The following SLC44A5 variants were observed in gnomAD, a reference collection of about 807,000 sequenced individuals.
SLC44A5 encodes the protein solute carrier family 44 member 5.
SLC44A5 carries 57 observed loss-of-function variants against 101.8 expected under a neutral mutation model. The ratio of observed to expected loss-of-function variants is 0.56; its 90% confidence interval spans 0.45 to 0.70. The LOEUF is 0.70. Ranked by LOEUF, SLC44A5 falls within the 30% of genes least tolerant of loss-of-function variation. The pLI is 0.00. For missense variants in SLC44A5, 737 were observed against 853.1 expected (o/e 0.86, Z 1.70); for synonymous variants, 281 against 290.9 (o/e 0.97, Z 0.35).
intron 3 of SLC44A5, among the ~76,000 whole-genome samples, chr1:75,367,383 A>G (rs1175037080): frequency 6.6e-6 from 1 of 152,198 alleles, no homozygotes; most frequent in Non-Finnish European, 1.5e-5. Context: ...TACCTTGGTC[A>G]GTAAAGTTGT....
intron 2 of SLC44A5, among the ~76,000 whole-genome samples, chr1:75,506,572 T>C (rs1669271115): frequency 6.6e-6 from 1 of 152,194 alleles, no homozygotes; most frequent in Non-Finnish European, 1.5e-5. Flanking sequence ...TGATTGGATG[T>C]ACTCCTTGGT....
At chr1:75,651,768 A>G in the SLC44A5 span, among the ~76,000 whole-genome samples, 1 of 151,448 alleles carries the variant, frequency 6.6e-6, no homozygotes, top group Admixed American at 6.6e-5. Context: ...TTATAAAATT[A>G]TTTGATTATC....
intron 5 of SLC44A5, among the ~76,000 whole-genome samples, chr1:75,290,334 C>T (rs906032708): frequency 6.6e-6 from 1 of 152,118 alleles, no homozygotes; most frequent in Non-Finnish European, 1.5e-5. Flanking sequence ...ATGTTAAACT[C>T]ATATAGAATA....
chr1:75,667,107 A>G, the SLC44A5 span, among the ~76,000 whole-genome samples: 77,212 of 151,980 alleles, frequency 0.51, 20,842 homozygotes, highest in Middle Eastern at 0.64. Context: ...CAAGAGAAAG[A>G]AAGTATTCAA....
chr1:75,362,254 G>A (rs1659541044), intron 3 of SLC44A5, among the ~76,000 whole-genome samples: 1 of 150,980 alleles, frequency 6.6e-6, no homozygotes, highest in Admixed American at 6.6e-5. Flanking sequence ...TCGTTTCATT[G>A]ATTTTTTTTC....
the SLC44A5 span, among the ~76,000 whole-genome samples, chr1:75,647,938 C>A: frequency 6.6e-6 from 1 of 152,088 alleles, no homozygotes; most frequent in Non-Finnish European, 1.5e-5. Flanking sequence ...TGAGTTAAGT[C>A]TTTGGGTAAC....
intron 5 of SLC44A5, among the ~76,000 whole-genome samples, chr1:75,296,112 T>C (rs1454477163): frequency 6.6e-6 from 1 of 152,198 alleles, no homozygotes; most frequent in African/African-American, 2.4e-5. Context: ...TCAGTTCCAC[T>C]GTCTCCAGTC....
chr1:75,219,803 G>A lies in SLC44A5; in HGVS notation c.1175C>T (p.Ala392Val), dbSNP rs1343393624. 8 of 1,608,226 alleles carry A rather than the reference G, an allele frequency of 5.0e-6. No homozygotes were observed. Among genetic ancestry groups the A allele is most frequent in the East Asian group, 2.2e-5 (1 of 44,730 alleles). ...SICICYWVVTAVFLATSGVPV... is the reference protein window; with the variant it reads ...SICICYWVVTVVFLATSGVPV... ...GAGGCCAATTACCAAAGGATACACT[G>A]CTGTCACGACCCAGTAGCAAATGCA... is the stretch of plus-strand genomic sequence containing the variant. Residue 392 changes from alanine (A) to valine (V), a missense_variant, in exon 15 of 24, where the codon GCA becomes GTA. This residue lies in a region of SLC44A5 where 665 missense variants were observed against 764.4 expected (regional missense o/e 0.87). Transcript: ENST00000370859.
At chr1:75,490,879 G>C (rs1668389129) in intron 2 of SLC44A5, among the ~76,000 whole-genome samples, 1 of 151,826 alleles carries the variant, frequency 6.6e-6, no homozygotes. Context: ...AATTTAGTAG[G>C]TACGACTTAC....
At chr1:75,389,949 C>G (rs911721902) in intron 3 of SLC44A5, among the ~76,000 whole-genome samples, 3 of 151,960 alleles carry the variant, frequency 2.0e-5, no homozygotes, top group Non-Finnish European at 4.4e-5. Flanking sequence ...AAAAGAGAGA[C>G]AATTCAAATG....
chr1:75,215,921 ATAT>A, intron 18 of SLC44A5, 64 bp from the exon 19 acceptor site: 3 of 843,396 alleles, frequency 3.6e-6, no homozygotes, highest in Non-Finnish European at 3.9e-6. Context: ...GTCAAAATAA[ATAT>A]AATACAACAT....
intron 2 of SLC44A5, among the ~76,000 whole-genome samples, chr1:75,529,276 A>G (rs1275702426): frequency 6.6e-6 from 1 of 152,200 alleles, no homozygotes; most frequent in Non-Finnish European, 1.5e-5. Flanking sequence ...TGTGCATTAA[A>G]AATGGCTCAT....
At chr1:75,696,624 G>A in the SLC44A5 span, among the ~76,000 whole-genome samples, 2 of 152,224 alleles carry the variant, frequency 1.3e-5, no homozygotes, top group South Asian at 2.1e-4. Context: ...GGCCAGGTGC[G>A]GTGGCTCACG....
At chr1:75,319,752 T>C (rs1468284376) in intron 4 of SLC44A5, among the ~76,000 whole-genome samples, 1 of 152,198 alleles carries the variant, frequency 6.6e-6, no homozygotes, top group Admixed American at 6.6e-5. Context: ...GGGAATAGAA[T>C]GTATAATGAT....
In SLC44A5 at chr1:75,541,460, CTG is replaced by C. The variant is rs781154438; in HGVS notation, c.-15_-14del. 1.2e-6 allele frequency: 2 copies of C among 1,611,776 alleles called. No homozygotes were observed. Among genetic ancestry groups the C allele is most frequent in the Non-Finnish European group, 1.7e-6 (2 of 1,178,534 alleles). ...CTGTGTCATTCATTGAGATAAAAGG[CTG>C]TCTCTTCAGAAGTAGGCCTGAATCA... On this transcript the variant is annotated 5_prime_UTR_variant, in exon 2 of 24. Transcript: ENST00000370859.
chr1:75,519,756 C>G (rs994341660), intron 2 of SLC44A5, among the ~76,000 whole-genome samples: 1 of 152,188 alleles, frequency 6.6e-6, no homozygotes, highest in Admixed American at 6.5e-5. Flanking sequence ...TATCATTTAA[C>G]AACAACTCTC....
upstream of SLC44A5, chr1:75,615,797 G>A: frequency 3.2e-6 from 3 of 930,990 alleles, no homozygotes; most frequent in East Asian, 1.2e-4. Context: ...CGGCCCGAGG[G>A]GCAGAGGGCG....
chr1:75,631,275 T>C, the SLC44A5 span, among the ~76,000 whole-genome samples: 1 of 152,214 alleles, frequency 6.6e-6, no homozygotes, highest in Non-Finnish European at 1.5e-5. Context: ...ACATATTGTT[T>C]TGTTGTTAAC....
At chr1:75,448,268 A>G (rs1665699394) in intron 2 of SLC44A5, among the ~76,000 whole-genome samples, 1 of 152,162 alleles carries the variant, frequency 6.6e-6, no homozygotes, top group South Asian at 2.1e-4. Context: ...ATCTTGTCCT[A>G]ATGTTCAAGT....
Sources: gnomAD v4.1 joint callset for allele counts (sites outside exome capture counted in the v4.1 genomes callset) on GRCh38, gnomAD v4.1.1 for gene constraint, gnomAD v4.1.1 regional missense constraint, MANE v1.5 for transcripts, NCBI Gene and HGNC (gene_info 2026-07-23, HGNC 2026-07-21) for gene names.